Variants in COQ8A observed in about 807,000 individuals in gnomAD.
The protein encoded by COQ8A is coenzyme Q8A, also known as atypical kinase COQ8A, mitochondrial.
In COQ8A, 51 loss-of-function variants were observed where a neutral mutation model predicts 65.0. The ratio of observed to expected loss-of-function variants is 0.78; its 90% CI spans 0.63 to 0.99. COQ8A has a LOEUF of 0.99. COQ8A is among the 50% of genes least tolerant of loss of function. COQ8A has a pLI of 0.00. For missense variants in COQ8A, 940 were observed against 875.0 expected (o/e 1.07, Z -0.94); for synonymous variants, 371 against 353.2 (o/e 1.05, Z -0.57).
chr1:226,969,118 A>G (rs906467054), intron 4 of COQ8A, among the ~76,000 whole-genome samples: 7 of 152,140 alleles, frequency 4.6e-5, no homozygotes, highest in Admixed American at 6.5e-5. Flanking sequence ...TGATCCGTCT[A>G]TCTAGTCTGG....
At chr1:226,961,904 C>T (rs1013008141) in intron 2 of COQ8A, among the ~76,000 whole-genome samples, 6 of 152,192 alleles carry the variant, frequency 3.9e-5, no homozygotes, top group Non-Finnish European at 7.3e-5. Flanking sequence ...ACTGTGTCCT[C>T]ATGGGGCAGG....
chr1:226,985,654 GCCCTCC>G, intron 14 of COQ8A, among the ~76,000 whole-genome samples: 1 of 152,322 alleles, frequency 6.6e-6, no homozygotes, highest in South Asian at 2.1e-4. Flanking sequence ...GGAAGCCCCA[GCCCTCC>G]CCTCATCGAG....
intron 1 of COQ8A, among the ~76,000 whole-genome samples, chr1:226,958,968 A>G (rs911943113): frequency 1.1e-4 from 16 of 152,162 alleles, no homozygotes; most frequent in South Asian, 4.1e-4. Context: ...TGTGTATTAC[A>G]TGGTTTGAGG....
chr1:226,981,899 T>C (rs1487687297), intron 5 of COQ8A, 128 bp from the exon 6 acceptor site: 2 of 1,399,122 alleles, frequency 1.4e-6, no homozygotes, highest in African/African-American at 2.8e-5. Flanking sequence ...TAGTTAGTTA[T>C]GTTGCTGGTT....
chr1:226,954,467 G>A (rs1657569402), intron 1 of COQ8A, among the ~76,000 whole-genome samples: 1 of 152,372 alleles, frequency 6.6e-6, no homozygotes, highest in South Asian at 2.1e-4. Context: ...ACTTGTTAGA[G>A]ATGCAGATTC....
At position 226,984,668 on chromosome 1, in the gene COQ8A, G is replaced by A. The variant is rs2148134948; in HGVS notation, c.1506+13G>A. 1 of 1,610,466 alleles carries A rather than the reference G, an allele frequency of 6.2e-7. No individual in the cohort carries two copies. Among genetic ancestry groups the A allele is most frequent in the Non-Finnish European group, 8.5e-7 (1 of 1,176,584 alleles). ...CCAGCAGCACAAGGTGAGCCCCAGG[G>A]TGGGGGCACCCGCAGCCAGGCCTGA... On this transcript the variant is annotated intron_variant, in intron 12 of 14. Coordinates refer to ENST00000366777, the MANE Select transcript of COQ8A (RefSeq NM_020247.5).
intron 4 of COQ8A, among the ~76,000 whole-genome samples, 199 bp downstream of exon 4, chr1:226,965,936 C>T (rs564074965): frequency 6.6e-6 from 1 of 152,368 alleles, no homozygotes; most frequent in African/African-American, 2.4e-5. Flanking sequence ...TCCAGCTCTG[C>T]CTGGCTCTCC....
chr1:226,978,586 T>A, intron 5 of COQ8A, among the ~76,000 whole-genome samples: 1 of 45,334 alleles, frequency 2.2e-5, no homozygotes, highest in Non-Finnish European at 6.5e-5. Flanking sequence ...TTACACACTC[T>A]CCACACACTC....
At chr1:226,953,935 A>ACTTGGAGGAAACG in intron 1 of COQ8A, among the ~76,000 whole-genome samples, 1 of 152,376 alleles carries the variant, frequency 6.6e-6, no homozygotes, top group East Asian at 1.9e-4. Context: ...TGGAGGAAAC[A>ACTTGGAGGAAACG]GTCAATTGTT....
chr1:226,941,393 G>A (rs1656679912), intron 1 of COQ8A, among the ~76,000 whole-genome samples: 1 of 152,184 alleles, frequency 6.6e-6, no homozygotes, highest in South Asian at 2.1e-4. Context: ...CTGGCAGGAG[G>A]GCTCTTGGGA....
rs769334425 is a variant in COQ8A, at chr1:226,946,364, C to T, written c.-10+5965C>T. On this transcript the variant is annotated intron_variant, in intron 1 of 14. Transcript: ENST00000366777. The surrounding 1 kb of genome is among the most constrained non-coding windows in gnomAD (Gnocchi z 5.3). ...ATGATATTCCATGGGGAGGAGGGAG[C>T]AGGATGTGGAAGCTGGAAAACCTGT... Among the ~76,000 whole-genome samples the T allele has an allele frequency of 6.6e-6, 1 of 152,126 alleles. No homozygotes were observed. Among genetic ancestry groups the T allele is most frequent in the African/African-American group, 2.4e-5 (1 of 41,428 alleles).
intron 8 of COQ8A, 184 bp downstream of exon 8, chr1:226,983,218 A>G (rs1243974332): frequency 1.0e-6 from 1 of 1,001,570 alleles, no homozygotes; most frequent in Non-Finnish European, 1.4e-6. Flanking sequence ...GTATTTGCTA[A>G]ATGAGTGACT....
At chr1:226,963,066 A>C (rs1226468737) in intron 2 of COQ8A, among the ~76,000 whole-genome samples, 1 of 152,030 alleles carries the variant, frequency 6.6e-6, no homozygotes, top group Non-Finnish European at 1.5e-5. Context: ...CCTGCCCAGG[A>C]GTGGGACAGC....
chr1:226,967,670 G>T (rs1572050763), intron 4 of COQ8A, among the ~76,000 whole-genome samples: 1 of 152,228 alleles, frequency 6.6e-6, no homozygotes, highest in South Asian at 2.1e-4. Context: ...TCCTCAGAGG[G>T]TGGGGGATTA....
intron 1 of COQ8A, among the ~76,000 whole-genome samples, chr1:226,951,742 C>A (rs1426590135): frequency 6.6e-6 from 1 of 151,812 alleles, no homozygotes; most frequent in Non-Finnish European, 1.5e-5. Flanking sequence ...ATAGATCTTT[C>A]TTGCAACTGC....
At chr1:226,977,054 T>A (rs943986114) in intron 4 of COQ8A, among the ~76,000 whole-genome samples, 3 of 152,176 alleles carry the variant, frequency 2.0e-5, no homozygotes, top group Non-Finnish European at 4.4e-5. Context: ...GTGGTTGTGT[T>A]CTCAGGGTGC....
At chr1:226,941,368 G>T (rs1025655186) in intron 1 of COQ8A, among the ~76,000 whole-genome samples, 1 of 152,208 alleles carries the variant, frequency 6.6e-6, no homozygotes, top group Non-Finnish European at 1.5e-5. Context: ...TCACGCTGTG[G>T]ATGGGTAGGT....
At position 226,986,556 on chromosome 1, in the gene COQ8A, A is replaced by G. The variant is rs529850796; in HGVS notation, c.1763A>G (p.His588Arg). Residue 588 changes from histidine to arginine, a missense_variant, in exon 15 of 15, where the codon CAC becomes CGC. His to Arg is a conservative substitution (Grantham distance 29). Coordinates refer to ENST00000366777, the MANE Select transcript of COQ8A (RefSeq NM_020247.5). ...ACTCAGAGCACCACCGAGAAGATCC[A>G]CAACCTGATTCCCGTCATGCTGAGG... Reference protein sequence around the residue: ...FGTQSTTEKIHNLIPVMLRHR... With the variant: ...FGTQSTTEKIRNLIPVMLRHR... The G allele has an allele frequency of 1.9e-6, 3 of 1,613,900 alleles. No individual in the cohort carries two copies. In the South Asian group the frequency reaches 3.3e-5, roughly 18 times the overall value.
chr1:226,957,344 G>C (rs1367468701), intron 1 of COQ8A, among the ~76,000 whole-genome samples: 1 of 129,596 alleles, frequency 7.7e-6, no homozygotes. Context: ...TGTGCCACTT[G>C]CTTCTAGCTT....
Sources: allele counts gnomAD v4.1 joint callset (sites outside exome capture counted in the v4.1 genomes callset), GRCh38; gene constraint gnomAD v4.1.1; non-coding constraint Gnocchi (gnomAD v3.1); transcripts MANE v1.5; gene names NCBI Gene and HGNC (gene_info 2026-07-23, HGNC 2026-07-21).